COL6A1: variants seen among roughly 807,000 people sequenced by gnomAD.
COL6A1 encodes the protein collagen type VI alpha 1 chain.
COL6A1 carries 80 observed loss-of-function variants against 145.6 expected under a neutral mutation model. The observed-to-expected ratio is 0.55, with a 90% confidence interval of 0.46 to 0.66. COL6A1 has a LOEUF of 0.66. COL6A1 is among the 30% of genes least tolerant of loss of function. COL6A1 has a pLI of 0.00. For missense variants in COL6A1, 1,364 were observed against 1,473.8 expected (o/e 0.93, Z 1.22); for synonymous variants, 638 against 622.8 (o/e 1.02, Z -0.36).
intron 19 of COL6A1, among the ~76,000 whole-genome samples, 181 bp from the exon 20 acceptor site, chr21:45,993,986 C>T (rs1006170693): frequency 3.3e-5 from 5 of 152,202 alleles, no homozygotes; most frequent in African/African-American, 7.2e-5. Context: ...CCAGCCACGC[C>T]GATGGCCACG....
chr21:45,988,710 T>C (rs887879798), intron 8 of COL6A1, among the ~76,000 whole-genome samples: 1 of 152,154 alleles, frequency 6.6e-6, no homozygotes, highest in Non-Finnish European at 1.5e-5. Context: ...AAACTTGCCA[T>C]GAGGCTGCTC....
rs2077872260 is a variant in COL6A1 at position 46,004,850 on chromosome 21, G to A, written c.*837G>A. 3.0e-5 allele frequency: 6 copies of A among 202,158 alleles called. No homozygotes were observed. The South Asian group carries it at 3.3e-4, about 11-fold the overall frequency. The allele number at this position is 202,158 out of a possible 1,614,324, so 12.5% of individuals were successfully genotyped here. A position where few individuals can be genotyped will look rare whatever the true frequency, so the allele number is the denominator to read the frequency against. ...CCCGCAGAGACTGGGGCCTGGACTGGACATGAGAGCCCCTTGGTGCCACAG... is the reference window on the plus strand; with the variant it reads ...CCCGCAGAGACTGGGGCCTGGACTGAACATGAGAGCCCCTTGGTGCCACAG... On this transcript the variant is annotated 3_prime_UTR_variant, in exon 35 of 35. Transcript: ENST00000361866.
intron 30 of COL6A1, 56 bp downstream of exon 30, chr21:46,001,442 G>A: frequency 6.3e-7 from 1 of 1,596,054 alleles, no homozygotes; most frequent in Non-Finnish European, 8.5e-7. Flanking sequence ...GACCCTGCCG[G>A]CCGCCCCTGC....
chr21:45,988,660 T>C (rs1344200362), intron 8 of COL6A1, among the ~76,000 whole-genome samples: 2 of 152,158 alleles, frequency 1.3e-5, no homozygotes, highest in African/African-American at 2.4e-5. Context: ...GTGGCTCACA[T>C]AGGATGACCT....
intron 2 of COL6A1, 134 bp from the exon 3 acceptor site, chr21:45,984,135 G>A: frequency 1.1e-6 from 1 of 942,104 alleles, no homozygotes; most frequent in Non-Finnish European, 1.6e-6. Flanking sequence ...CAGGGCCACA[G>A]GGCAAGTCCA....
Position 45,981,979 on chromosome 21 carries a change from C to G in COL6A1, c.97+32C>G, listed in dbSNP as rs532927397. On this transcript the variant is annotated intron_variant, in intron 1 of 34. Coordinates refer to ENST00000361866, the MANE Select transcript of COL6A1 (RefSeq NM_001848.3). ...GGTGGCTTGGGGTGCAGGCTCCAGA[C>G]CCCCCGCTCTTTGCTGCCGGCCAGG... The G allele has an allele frequency of 2.3e-5, 35 of 1,524,504 alleles. 1 individual carries two copies. In the East Asian group the frequency reaches 7.5e-4, roughly 33 times the overall value. The allele number at this position is 1,524,504 out of a possible 1,614,324, so 94.4% of individuals were successfully genotyped here. A position where few individuals can be genotyped will look rare whatever the true frequency, so the allele number is the denominator to read the frequency against.
In COL6A1 at chr21:45,990,759, C is replaced by A; in HGVS notation, c.1003-14C>A. Reference sequence around the variant, plus strand: ...CTTGGCCGTCAGATTTTCTAGTTTTCTTCCTCTTTCCAGGGGGAGATGGGG... The same window carrying A: ...CTTGGCCGTCAGATTTTCTAGTTTTATTCCTCTTTCCAGGGGGAGATGGGG... On this transcript the variant is annotated splice_polypyrimidine_tract_variant and intron_variant, in intron 13 of 34. Coordinates refer to ENST00000361866, the MANE Select transcript of COL6A1 (RefSeq NM_001848.3). 1 of 1,613,194 alleles carries A rather than the reference C, an allele frequency of 6.2e-7. No individual in the cohort carries two copies. The highest frequency in any genetic ancestry group is 1.1e-5 in the South Asian group (1 of 91,056).
At chr21:45,999,390 G>T in intron 26 of COL6A1, 172 bp downstream of exon 26, 1 of 779,908 alleles carries the variant, frequency 1.3e-6, no homozygotes, top group East Asian at 2.7e-5. Context: ...CCAGGGCCAG[G>T]TGGTGGCCAG....
At chr21:45,983,000 C>T (rs917043076) in intron 2 of COL6A1, among the ~76,000 whole-genome samples, 2 of 148,960 alleles carry the variant, frequency 1.3e-5, no homozygotes, top group African/African-American at 5.2e-5. Flanking sequence ...TGGTTTGAGA[C>T]CCTGCTCGCG....
Position 45,994,300 on chromosome 21 carries a change from C to T in COL6A1, c.1398+71C>T. 2 of 1,389,926 alleles carry T rather than the reference C, an allele frequency of 1.4e-6. No homozygotes were observed. The highest frequency in any genetic ancestry group is 1.2e-5 in the South Asian group (1 of 81,490). 86.1% of individuals were successfully genotyped at this position (1,389,926 alleles called of 1,614,324 possible). ...TGGGGGTAGAAGTGCTCCAGCAGCTCACGCACTGGGGGTCTGTTCATTTCC... is the reference window on the plus strand; with the variant it reads ...TGGGGGTAGAAGTGCTCCAGCAGCTTACGCACTGGGGGTCTGTTCATTTCC... On this transcript the variant is annotated intron_variant, in intron 20 of 34. Transcript: ENST00000361866. This position sits in a 1 kb window ranked among gnomAD's most constrained non-coding sequence, Gnocchi z 6.8.
rs138976133 is a variant in COL6A1 at position 46,002,371 on chromosome 21, G to T, written c.2220G>T (p.Pro740=). The T allele has an allele frequency of 2.1e-5, 33 of 1,593,956 alleles. No individual in the cohort carries two copies. In the South Asian group the frequency reaches 3.6e-4, roughly 17 times the overall value. ...CAGACACTCAGAGGGACACCACACC[G>T]CTCAACGTGCTCTGCAGCCCCGGCA... ...GRSDTQRDTT[P]LNVLCSPGIQ... Residue 740 remains proline (P), a synonymous_variant, in exon 32 of 35, where the codon CCG becomes CCT. Coordinates refer to ENST00000361866, the MANE Select transcript of COL6A1 (RefSeq NM_001848.3).
chr21:45,997,321 G>A (rs994089974), intron 20 of COL6A1, 100 bp from the exon 21 acceptor site: 37 of 1,091,956 alleles, frequency 3.4e-5, no homozygotes, highest in Non-Finnish European at 4.7e-5. Flanking sequence ...GAGCCTGGGG[G>A]CCCTGATGCC....
Position 46,002,071 on chromosome 21 carries a change from G to T in COL6A1, c.2066+1G>T. 6.2e-7 allele frequency: 1 copy of T among 1,610,334 alleles called. No individual in the cohort carries two copies. Among genetic ancestry groups the T allele is most frequent in the Non-Finnish European group, 8.5e-7 (1 of 1,179,220 alleles). Reference sequence around the variant, plus strand: ...TCCGGAACGTGCAGGAGCTCAAGGAGTGAGTGCCCCACGCGGCCAGGACCC... The same window carrying T: ...TCCGGAACGTGCAGGAGCTCAAGGATTGAGTGCCCCACGCGGCCAGGACCC... On this transcript the variant is annotated splice_donor_variant, in intron 31 of 34. Coordinates refer to ENST00000361866, the MANE Select transcript of COL6A1 (RefSeq NM_001848.3). LOFTEE classifies it high-confidence loss of function.
rs1456432463 is a variant in COL6A1, at chr21:46,001,943, C to G, written c.1957-18C>G. On this transcript the variant is annotated intron_variant, in intron 30 of 34. Coordinates refer to ENST00000361866, the MANE Select transcript of COL6A1 (RefSeq NM_001848.3). ...CTGGGGCAGCACTCGCGTCCTGACC[C>G]CGGTGCCGGTCCCACAGTTCGAGCC... 6.2e-7 allele frequency: 1 copy of G among 1,608,910 alleles called. No individual in the cohort carries two copies. The highest frequency in any genetic ancestry group is 8.5e-7 in the Non-Finnish European group (1 of 1,178,054).
intron 21 of COL6A1, 43 bp from the exon 22 acceptor site, chr21:45,997,657 C>A: frequency 6.4e-7 from 1 of 1,567,146 alleles, no homozygotes. Context: ...TCCAAGGTCA[C>A]CATGCTAAGC....
intron 25 of COL6A1, 70 bp downstream of exon 25, chr21:45,999,029 A>C (rs2077822822): frequency 1.3e-6 from 2 of 1,546,808 alleles, no homozygotes; most frequent in East Asian, 4.9e-5. Context: ...CTTGAAGGGC[A>C]GTGGACCAGG....
At chr21:46,000,287 A>T (rs775106187) in intron 27 of COL6A1, 44 bp from the exon 28 acceptor site, 1 of 1,610,768 alleles carries the variant, frequency 6.2e-7, no homozygotes, top group South Asian at 1.1e-5. Flanking sequence ...CCCCGCTGGG[A>T]GGGGCTGTCT....
intron 15 of COL6A1, 40 bp from the exon 16 acceptor site, chr21:45,991,970 C>T (rs1269450872): frequency 1.9e-6 from 3 of 1,551,142 alleles, no homozygotes; most frequent in Non-Finnish European, 2.6e-6. Flanking sequence ...CCCTGGTGCA[C>T]ACCCCTGCCA....
rs1208557184 is a variant in COL6A1, at chr21:45,984,258, G to A, written c.228-11G>A. 4.4e-6 allele frequency: 7 copies of A among 1,601,868 alleles called. No homozygotes were observed. Among genetic ancestry groups the A allele is most frequent in the Middle Eastern group, 1.7e-4 (1 of 6,030 alleles). On this transcript the variant is annotated splice_polypyrimidine_tract_variant and intron_variant, in intron 2 of 34. Transcript: ENST00000361866. ...CGCCCGCCTCACGCCCGCCGTGCCT[G>A]TTCCTGGCAGGTACTACCGCTGTGA...
Sources: gnomAD v4.1 joint callset for allele counts (sites outside exome capture counted in the v4.1 genomes callset) on GRCh38, gnomAD v4.1.1 for gene constraint, Gnocchi (gnomAD v3.1) non-coding constraint, MANE v1.5 for transcripts, NCBI Gene and HGNC (gene_info 2026-07-23, HGNC 2026-07-21) for gene names.